CHD1L: variants seen among roughly 807,000 people sequenced by gnomAD.
CHD1L encodes chromodomain helicase DNA binding protein 1 like.
Under a neutral mutation model 115.9 loss-of-function variants are expected in CHD1L, and 118 were observed. The ratio of observed to expected loss-of-function variants is 1.02; its 90% confidence interval spans 0.88 to 1.19. CHD1L has a LOEUF of 1.19. Among genes scored for constraint, CHD1L ranks in the 50% most tolerant of loss-of-function variants. The pLI is 0.00. For missense variants in CHD1L, 1,179 were observed against 1,065.3 expected (o/e 1.11, Z -1.49); for synonymous variants, 411 against 387.1 (o/e 1.06, Z -0.72).
At chr1:147,267,819 G>C (rs1674543599) in intron 9 of CHD1L, among the ~76,000 whole-genome samples, 1 of 152,056 alleles carries the variant, frequency 6.6e-6, no homozygotes, top group Non-Finnish European at 1.5e-5. Flanking sequence ...ACATTCTTCA[G>C]CGTTTTTTTT....
At chr1:147,223,640 C>A in the CHD1L span, 2,624 of 156,456 alleles carry the variant, frequency 0.017, 78 homozygotes, top group African/African-American at 0.06. Flanking sequence ...AGTTGTGAAT[C>A]CTCTGTTTGA....
the CHD1L span, chr1:147,178,656 C>G: frequency 5.1e-6 from 8 of 1,577,680 alleles, no homozygotes; most frequent in Middle Eastern, 8.3e-4. Context: ...TGAGGGATAA[C>G]TACCGATTTG....
At chr1:147,266,964 A>G (rs1189857504) in intron 8 of CHD1L, among the ~76,000 whole-genome samples, 1 of 152,228 alleles carries the variant, frequency 6.6e-6, no homozygotes, top group Non-Finnish European at 1.5e-5. Context: ...GGTACTATCC[A>G]TGGTTTCCAA....
At chr1:147,208,444 C>CTTTTT in the CHD1L span, 33 of 145,610 alleles carry the variant, frequency 2.3e-4, 6 homozygotes, top group Admixed American at 4.1e-4. Flanking sequence ...CTTTTCTTTT[C>CTTTTT]TTTTTTTTTT....
the CHD1L span, among the ~76,000 whole-genome samples, chr1:147,205,801 A>T: frequency 4.6e-5 from 7 of 152,146 alleles, no homozygotes; most frequent in Non-Finnish European, 1.0e-4. Context: ...TAGACCTAAA[A>T]CCATAAAAAC....
intron 20 of CHD1L, 31 bp from the exon 21 acceptor site, chr1:147,293,577 G>A (rs1553972787): frequency 1.3e-6 from 2 of 1,581,908 alleles, no homozygotes; most frequent in South Asian, 1.1e-5. Context: ...GTTTCATGTT[G>A]GGTTGGTCAT....
chr1:147,256,667 C>G (rs782559183), intron 5 of CHD1L, 105 bp downstream of exon 5: 248 of 1,096,530 alleles, frequency 2.3e-4, no homozygotes, highest in Non-Finnish European at 3.3e-4. Flanking sequence ...TCTGGTATGT[C>G]TTCCATGAGT....
chr1:147,243,892 A>G (rs1665749686), intron 1 of CHD1L, among the ~76,000 whole-genome samples: 1 of 152,242 alleles, frequency 6.6e-6, no homozygotes, highest in Non-Finnish European at 1.5e-5. Flanking sequence ...CATTCTAGGA[A>G]TGAAACAAAA....
chr1:147,259,498 C>G, intron 5 of CHD1L: 1 of 168,166 alleles, frequency 5.9e-6, no homozygotes, highest in Non-Finnish European at 1.3e-5. Flanking sequence ...GCTTGCTATA[C>G]TCTTTTAGAC....
chr1:147,245,340 C>T (rs587737515), intron 1 of CHD1L, among the ~76,000 whole-genome samples: 27 of 152,288 alleles, frequency 1.8e-4, no homozygotes, highest in African/African-American at 6.3e-4. Context: ...CCTCATGGGT[C>T]TGTGGGAGGG....
At chr1:147,278,523 G>A (rs61839213) in intron 14 of CHD1L, among the ~76,000 whole-genome samples, 1 of 147,806 alleles carries the variant, frequency 6.8e-6, no homozygotes, top group South Asian at 2.1e-4. Context: ...GCGCCTGGGG[G>A]TATTTTTTTT....
chr1:147,225,104 G>A, the CHD1L span: 1 of 1,605,196 alleles, frequency 6.2e-7, no homozygotes, highest in Non-Finnish European at 8.5e-7. Context: ...AGCACACATC[G>A]GTTAACATTT....
the CHD1L span, chr1:147,176,387 C>T: frequency 6.6e-6 from 1 of 152,152 alleles, no homozygotes. Context: ...TCCTCAGAAC[C>T]ACCCTATGAG....
chr1:147,214,804 TAACTA>T, the CHD1L span: 2 of 152,086 alleles, frequency 1.3e-5, no homozygotes, highest in African/African-American at 4.8e-5. Context: ...TTTATCCCCT[TAACTA>T]GACTATAAAG....
intron 19 of CHD1L, among the ~76,000 whole-genome samples, chr1:147,288,324 A>G: frequency 5.3e-5 from 1 of 18,908 alleles, no homozygotes; most frequent in Admixed American, 4.4e-4. Context: ...CCCTGTTTCA[A>G]TAAAAAAAAA....
At chr1:147,181,838 A>T in the CHD1L span, among the ~76,000 whole-genome samples, 1 of 152,204 alleles carries the variant, frequency 6.6e-6, no homozygotes, top group Non-Finnish European at 1.5e-5. Context: ...TGGGAAATGA[A>T]GACAGCAGGT....
the CHD1L span, chr1:147,186,847 G>A: frequency 7.7e-6 from 12 of 1,551,936 alleles, no homozygotes; most frequent in Non-Finnish European, 8.7e-7. Flanking sequence ...AGATTCTGAA[G>A]GCATCTGTAG....
the CHD1L span, chr1:147,187,175 C>T: frequency 2.5e-6 from 4 of 1,614,114 alleles, no homozygotes; most frequent in South Asian, 4.4e-5. Flanking sequence ...CTGACCCCCA[C>T]CAAATCAGCA....
intron 5 of CHD1L, 102 bp downstream of exon 5, chr1:147,256,664 T>C (rs1363895698): frequency 7.1e-6 from 8 of 1,131,950 alleles, no homozygotes; most frequent in Non-Finnish European, 1.1e-5. Context: ...ATGTCTGGTA[T>C]GTCTTCCATG....
Sources: allele counts gnomAD v4.1 joint callset (sites outside exome capture counted in the v4.1 genomes callset), GRCh38; gene constraint gnomAD v4.1.1; transcripts MANE v1.5; gene names NCBI Gene and HGNC (gene_info 2026-07-23, HGNC 2026-07-21).